Variants in NFIC observed in about 807,000 individuals in gnomAD.
NFIC encodes the protein nuclear factor 1 C-type.
In NFIC, 12 loss-of-function variants were observed where a neutral mutation model predicts 54.4. That is an observed-to-expected ratio of 0.22 (90% CI 0.14 to 0.36). NFIC has a LOEUF of 0.36. Ranked by LOEUF, NFIC falls within the 10% of genes least tolerant of loss-of-function variation. The pLI is 1.00. For missense variants in NFIC, 575 were observed against 718.2 expected, an observed-to-expected ratio of 0.80 and a Z score of 2.28; for synonymous variants, 322 against 319.2, an observed-to-expected ratio of 1.01 and a Z score of -0.09.
At position 3,467,788 on chromosome 19, in the gene NFIC, T is replaced by TAA. The variant is rs1555685985; in HGVS notation, c.*5020_*5021dup. 4 of 136,806 alleles carry TAA rather than the reference T, an allele frequency of 2.9e-5. No homozygotes were observed. The highest frequency in any genetic ancestry group is 4.6e-5 in the Non-Finnish European group (3 of 65,332). 8.5% of individuals were successfully genotyped at this position (136,806 alleles called of 1,614,324 possible). A position where few individuals can be genotyped will look rare whatever the true frequency, so the allele number is the denominator to read the frequency against. On this transcript the variant is annotated 3_prime_UTR_variant, in exon 11 of 11. Transcript: ENST00000443272. Reference sequence around the variant, plus strand: ...ATATATATATATATATATATATATATAATTTTGGAATTTGTTTCTCATAAT... The same window carrying TAA: ...ATATATATATATATATATATATATATAAAATTTTGGAATTTGTTTCTCATAAT...
At chr19:3,377,355 A>AAAC (rs2081126566) in intron 1 of NFIC, among the ~76,000 whole-genome samples, 1 of 150,998 alleles carries the variant, frequency 6.6e-6, no homozygotes, top group Non-Finnish European at 1.5e-5. Flanking sequence ...AAAAAAAAAA[A>AAAC]AATCCAATAG....
At chr19:3,416,046 C>T (rs2081848221) in intron 2 of NFIC, among the ~76,000 whole-genome samples, 1 of 151,590 alleles carries the variant, frequency 6.6e-6, no homozygotes, top group Admixed American at 6.6e-5. Context: ...GCCTGTAGCC[C>T]CGGCTACTTG....
Position 3,452,467 on chromosome 19 carries a change from C to G in NFIC, c.1085-15C>G. 2 of 1,609,822 alleles carry G rather than the reference C, an allele frequency of 1.2e-6. No homozygotes were observed. Among genetic ancestry groups the G allele is most frequent in the Non-Finnish European group, 1.7e-6 (2 of 1,179,818 alleles). On this transcript the variant is annotated splice_polypyrimidine_tract_variant and intron_variant, in intron 7 of 10. Transcript: ENST00000443272. This position sits in a 1 kb window ranked among gnomAD's most constrained non-coding sequence, Gnocchi z 5.3. ...GGAGCCCCCAAGTAACCCCCGCTTC[C>G]CACTGTCTCCGCAGGGATCGCCCGG...
At chr19:3,363,939 C>T (rs1273371451), upstream of NFIC, among the ~76,000 whole-genome samples, 1 of 152,224 alleles carries the variant, frequency 6.6e-6, no homozygotes, top group African/African-American at 2.4e-5. Flanking sequence ...CCACTTGTCT[C>T]TTGGGGACAT....
intron 1 of NFIC, among the ~76,000 whole-genome samples, chr19:3,372,003 CTCTCTCTCTCTCTCT>C (rs2081028061): frequency 1.5e-5 from 1 of 66,758 alleles, no homozygotes; most frequent in Admixed American, 1.3e-4. Flanking sequence ...CTCTCCCTCT[CTCTCTCTCTCTCTCT>C]CTCTCTCTCT....
intron 1 of NFIC, among the ~76,000 whole-genome samples, chr19:3,376,973 A>C (rs1325977833): frequency 6.6e-6 from 1 of 150,736 alleles, no homozygotes; most frequent in Non-Finnish European, 1.5e-5. Flanking sequence ...CAGATGATCC[A>C]CCCACCTCGG....
chr19:3,468,619 A>G lies in NFIC; in HGVS notation c.*5850A>G, dbSNP rs902272675. 4.0e-5 allele frequency: 6 copies of G among 148,246 alleles called. No individual in the cohort carries two copies. Among genetic ancestry groups the G allele is most frequent in the African/African-American group, 1.5e-4 (6 of 40,184 alleles). 9.2% of individuals were successfully genotyped at this position (148,246 alleles called of 1,614,324 possible). The stretch of plus-strand genomic sequence containing the variant: ...GGAGGAGGGAGGGACAAAACAAAAC[A>G]TTTTCCTTTGGGTTTTTTTTTTCTT... On this transcript the variant is annotated 3_prime_UTR_variant, in exon 11 of 11. Transcript: ENST00000443272.
At chr19:3,428,901 G>A (rs372724450) in intron 3 of NFIC, among the ~76,000 whole-genome samples, 122 of 151,284 alleles carry the variant, frequency 8.1e-4, no homozygotes, top group African/African-American at 2.8e-3. Flanking sequence ...CTGGACACTC[G>A]GGGGCCACCG....
chr19:3,459,314 C>G lies in NFIC; in HGVS notation c.1509+2679C>G, dbSNP rs978808497. On this transcript the variant is annotated intron_variant, in intron 10 of 10. Transcript: ENST00000443272. The surrounding 1 kb of genome is among the most constrained non-coding windows in gnomAD (Gnocchi z 4.2). Reference sequence around the variant, plus strand: ...GATCTCGCCCTGGTCAGTTACCCACCCATCGCCCCATGTCCGTCCCTATCA... The same window carrying G: ...GATCTCGCCCTGGTCAGTTACCCACGCATCGCCCCATGTCCGTCCCTATCA... 6.6e-6 allele frequency among the ~76,000 whole-genome samples: 1 copy of G among 151,866 alleles called. No individual in the cohort carries two copies. The highest frequency in any genetic ancestry group is 1.5e-5 in the Non-Finnish European group (1 of 67,958).
chr19:3,383,830 G>A (rs1015325506), intron 2 of NFIC, among the ~76,000 whole-genome samples: 11 of 152,170 alleles, frequency 7.2e-5, no homozygotes, highest in African/African-American at 1.9e-4. Flanking sequence ...GCATTTGCCC[G>A]AACAGGAGGA....
intron 3 of NFIC, among the ~76,000 whole-genome samples, chr19:3,425,740 A>G (rs2082017278): frequency 1.3e-5 from 2 of 151,034 alleles, no homozygotes; most frequent in South Asian, 2.1e-4. Flanking sequence ...GATTACAGGC[A>G]TGAGCCACCG....
In NFIC at chr19:3,452,428, A is replaced by G; in HGVS notation, c.1085-54A>G. On this transcript the variant is annotated intron_variant, in intron 7 of 10. Transcript: ENST00000443272. This position sits in a 1 kb window ranked among gnomAD's most constrained non-coding sequence, Gnocchi z 5.3. The stretch of plus-strand genomic sequence containing the variant: ...CACAGACACACAGTCACACGGTCAC[A>G]GAGCAGACCGGCTGGAGCCCCCAAG... 6.3e-7 allele frequency: 1 copy of G among 1,594,154 alleles called. No individual in the cohort carries two copies. The highest frequency in any genetic ancestry group is 8.5e-7 in the Non-Finnish European group (1 of 1,171,464).
intron 1 of NFIC, among the ~76,000 whole-genome samples, chr19:3,367,063 C>T (rs1021031583): frequency 6.6e-6 from 1 of 152,064 alleles, no homozygotes; most frequent in Admixed American, 6.5e-5. Context: ...GGAAGCCCCC[C>T]GCCTGCCTCT....
intron 6 of NFIC, among the ~76,000 whole-genome samples, chr19:3,448,353 A>G (rs1245839016): frequency 1.3e-5 from 2 of 152,198 alleles, no homozygotes; most frequent in African/African-American, 2.4e-5. Context: ...GATTACAGGC[A>G]TGAGCCACTG....
rs1223166668 is a variant in NFIC, at chr19:3,406,001, G to T, written c.563-19105G>T. 3.3e-5 allele frequency among the ~76,000 whole-genome samples: 5 copies of T among 151,780 alleles called. No homozygotes were observed. In the East Asian group the frequency reaches 9.7e-4, roughly 29 times the overall value. ...AGTGACTTGATCATGGCTTACTGTAGCCTCAACCTTCTGGGCTCAAGCAAT... is the reference window on the plus strand; with the variant it reads ...AGTGACTTGATCATGGCTTACTGTATCCTCAACCTTCTGGGCTCAAGCAAT... On this transcript the variant is annotated intron_variant, in intron 2 of 10. Coordinates refer to ENST00000443272, the MANE Select transcript of NFIC (RefSeq NM_001245002.2).
rs3764592 is a variant in NFIC at position 3,370,150 on chromosome 19, G to C, written c.30+3484G>C. On this transcript the variant is annotated intron_variant, in intron 1 of 10. Coordinates refer to ENST00000443272, the MANE Select transcript of NFIC (RefSeq NM_001245002.2). This position sits in a 1 kb window ranked among gnomAD's most constrained non-coding sequence, Gnocchi z 5.2. ...AGCAGGGGGCCTGCAGCCCCTCAGT[G>C]CCGGGAGAGGGGCTAAGAGTCAGAG... is the stretch of plus-strand genomic sequence containing the variant. Among the ~76,000 whole-genome samples the C allele has an allele frequency of 0.27, 40,545 of 152,122 alleles. 6,641 individuals are homozygous for C. Among genetic ancestry groups the C allele is most frequent in the African/African-American group, 0.43 (17,984 of 41,470 alleles).
chr19:3,457,044 G>A (rs904138762), intron 10 of NFIC, among the ~76,000 whole-genome samples: 2 of 152,160 alleles, frequency 1.3e-5, no homozygotes, highest in South Asian at 2.1e-4. Context: ...CATCCACGCC[G>A]AGGCCTAGAG....
At chr19:3,395,790 C>T (rs770068293) in intron 2 of NFIC, among the ~76,000 whole-genome samples, 1 of 152,122 alleles carries the variant, frequency 6.6e-6, no homozygotes, top group South Asian at 2.1e-4. Context: ...AAGCGATTCT[C>T]CTGCCTCAGC....
Position 3,466,399 on chromosome 19 carries a change from C to T in NFIC, c.*3630C>T, listed in dbSNP as rs1278839114. On this transcript the variant is annotated 3_prime_UTR_variant, in exon 11 of 11. Transcript: ENST00000443272. The surrounding 1 kb of genome is among the most constrained non-coding windows in gnomAD (Gnocchi z 4.8). ...CCTCACCACCTCCAGCCCCTCCAAGCATCTCGTGTAGGGACCCACGCAGAT... is the reference window on the plus strand; with the variant it reads ...CCTCACCACCTCCAGCCCCTCCAAGTATCTCGTGTAGGGACCCACGCAGAT... 6 of 152,212 alleles carry T rather than the reference C, an allele frequency of 3.9e-5. No individual in the cohort carries two copies. Among genetic ancestry groups the T allele is most frequent in the Non-Finnish European group, 5.9e-5 (4 of 68,058 alleles). 9.4% of individuals were successfully genotyped at this position (152,212 alleles called of 1,614,324 possible). A position where few individuals can be genotyped will look rare whatever the true frequency, so the allele number is the denominator to read the frequency against.
Sources: allele counts gnomAD v4.1 joint callset (sites outside exome capture counted in the v4.1 genomes callset), GRCh38; gene constraint gnomAD v4.1.1; non-coding constraint Gnocchi (gnomAD v3.1); transcripts MANE v1.5; gene names NCBI Gene and HGNC (gene_info 2026-07-23, HGNC 2026-07-21).